CLVS1: variants seen among roughly 807,000 people sequenced by gnomAD.
CLVS1 encodes clavesin 1.
A neutral mutation model predicts 33.1 loss-of-function variants in CLVS1; 10 were observed. The observed-to-expected ratio is 0.30, with a 90% CI of 0.19 to 0.51. The LOEUF is 0.51. CLVS1 is among the 20% of genes least tolerant of loss of function. CLVS1 has a pLI of 0.97. For missense variants in CLVS1, 343 were observed against 433.4 expected, an observed-to-expected ratio of 0.79 and a Z score of 1.85; for synonymous variants, 163 against 166.1, an observed-to-expected ratio of 0.98 and a Z score of 0.14.
chr8:61,057,593 G>C (rs1387129706), intron 1 of CLVS1, among the ~76,000 whole-genome samples: 1 of 151,466 alleles, frequency 6.6e-6, no homozygotes, highest in Non-Finnish European at 1.5e-5. Context: ...GGCTTATTTT[G>C]TACTTAGTTC....
chr8:61,057,380 A>G (rs1364495990), intron 1 of CLVS1: 1 of 146,992 alleles, frequency 6.8e-6, no homozygotes, highest in Non-Finnish European at 1.5e-5. Flanking sequence ...ACACACACAC[A>G]CACACACACA....
chr8:61,253,485 A>C (rs1808997770), intron 2 of CLVS1, among the ~76,000 whole-genome samples: 1 of 152,102 alleles, frequency 6.6e-6, no homozygotes, highest in African/African-American at 2.4e-5. Context: ...TAGATTGGGG[A>C]AGTTCTCCTG....
At chr8:61,297,182 C>A (rs1302030753) in intron 1 of CLVS1, among the ~76,000 whole-genome samples, 1 of 152,094 alleles carries the variant, frequency 6.6e-6, no homozygotes, top group East Asian at 1.9e-4. Context: ...AATCATGTTA[C>A]ATAGTTTTAT....
chr8:61,393,645 G>C (rs767119130), intron 3 of CLVS1, among the ~76,000 whole-genome samples: 3 of 152,128 alleles, frequency 2.0e-5, no homozygotes, highest in Non-Finnish European at 4.4e-5. Flanking sequence ...GGGGCTTCCT[G>C]AGAGCCAGAC....
chr8:61,013,321 C>A, the CLVS1 span, among the ~76,000 whole-genome samples: 1 of 152,232 alleles, frequency 6.6e-6, no homozygotes, highest in Admixed American at 6.5e-5. Flanking sequence ...ATAGAGCCTT[C>A]TTTGAATGAC....
chr8:61,473,808 G>A (rs1026641552), intron 5 of CLVS1, among the ~76,000 whole-genome samples: 1 of 152,230 alleles, frequency 6.6e-6, no homozygotes, highest in African/African-American at 2.4e-5. Context: ...CAATGCTGCT[G>A]AATGGAAAGC....
Position 61,458,411 on chromosome 8 carries a change from T to G in CLVS1, c.846T>G (p.Thr282=). Residue 282 remains threonine (T), a synonymous_variant, in exon 5 of 6, where the codon ACT becomes ACG. Transcript: ENST00000325897. ...GGTLPPYDMG[T]WARTLLGPDY... is the part of the protein sequence containing the mutation. Reference sequence around the variant, plus strand: ...CTCTTCCTCCTTATGACATGGGAACTTGGGCCCGGACGTTACTCGGTCCCG... The same window carrying G: ...CTCTTCCTCCTTATGACATGGGAACGTGGGCCCGGACGTTACTCGGTCCCG... 6.2e-7 allele frequency: 1 copy of G among 1,614,158 alleles called. No individual in the cohort carries two copies. Among genetic ancestry groups the G allele is most frequent in the Non-Finnish European group, 8.5e-7 (1 of 1,179,996 alleles).
At chr8:61,489,045 T>C (rs2129608525) in intron 5 of CLVS1, among the ~76,000 whole-genome samples, 3 of 152,360 alleles carry the variant, frequency 2.0e-5, no homozygotes, top group African/African-American at 7.2e-5. Flanking sequence ...AGACAGGATC[T>C]TGAAGTATTA....
intron 2 of CLVS1, among the ~76,000 whole-genome samples, chr8:61,227,665 G>T (rs1018154281): frequency 2.6e-5 from 4 of 152,192 alleles, no homozygotes; most frequent in Non-Finnish European, 4.4e-5. Context: ...TGGAGACAGT[G>T]AGAGAGAAGG....
intron 1 of CLVS1, among the ~76,000 whole-genome samples, chr8:61,074,563 G>A (rs1804874292): frequency 6.6e-6 from 1 of 151,026 alleles, no homozygotes; most frequent in Non-Finnish European, 1.5e-5. Context: ...AGACCTGTGA[G>A]GCAGAAAGCT....
intron 4 of CLVS1, among the ~76,000 whole-genome samples, chr8:61,455,574 GTA>G (rs1817120472): frequency 1.3e-5 from 2 of 152,080 alleles, no homozygotes; most frequent in Middle Eastern, 3.4e-3. Context: ...ATTCCTCTCG[GTA>G]TATATCCATT....
the CLVS1 span, among the ~76,000 whole-genome samples, chr8:60,968,920 T>A: frequency 7.9e-5 from 12 of 151,150 alleles, no homozygotes; most frequent in Non-Finnish European, 1.6e-4. Flanking sequence ...TAAAAAAAAA[T>A]AAAAGAAAAA....
chr8:61,475,067 A>G (rs1026056494), intron 5 of CLVS1, among the ~76,000 whole-genome samples: 1 of 152,052 alleles, frequency 6.6e-6, no homozygotes, highest in Non-Finnish European at 1.5e-5. Context: ...TGTCCTTGTG[A>G]TACTTTGCTG....
chr8:61,100,185 T>C (rs940442310), intron 1 of CLVS1, among the ~76,000 whole-genome samples: 1 of 152,200 alleles, frequency 6.6e-6, no homozygotes, highest in Non-Finnish European at 1.5e-5. Flanking sequence ...ATGAACTTAA[T>C]ATTTTTATTA....
At chr8:61,414,989 A>G (rs888060086) in intron 3 of CLVS1, among the ~76,000 whole-genome samples, 4 of 152,256 alleles carry the variant, frequency 2.6e-5, no homozygotes, top group African/African-American at 9.6e-5. Context: ...GGCAGTAGTT[A>G]GGAGCCATTT....
At chr8:61,202,604 C>T (rs1807757254) in intron 2 of CLVS1, 2 of 1,417,388 alleles carry the variant, frequency 1.4e-6, no homozygotes, top group African/African-American at 2.8e-5. Context: ...TCTGTACAGC[C>T]AACGGTTTCC....
intron 2 of CLVS1, among the ~76,000 whole-genome samples, chr8:61,347,798 G>A (rs1435947498): frequency 2.0e-5 from 3 of 150,112 alleles, no homozygotes; most frequent in Non-Finnish European, 4.4e-5. Flanking sequence ...CTCAGAGGTG[G>A]GATTGCTGAA....
At chr8:61,074,588 G>A (rs1804874672) in intron 1 of CLVS1, among the ~76,000 whole-genome samples, 1 of 151,462 alleles carries the variant, frequency 6.6e-6, no homozygotes, top group Non-Finnish European at 1.5e-5. Context: ...CTATGTCTTT[G>A]CTTTTGTAGA....
intron 1 of CLVS1, among the ~76,000 whole-genome samples, chr8:61,086,164 T>C (rs1259488028): frequency 6.7e-6 from 1 of 149,488 alleles, no homozygotes; most frequent in Admixed American, 6.7e-5. Flanking sequence ...GAGGCAGAGG[T>C]TGCAGTGAGC....
Sources: allele counts gnomAD v4.1 joint callset (sites outside exome capture counted in the v4.1 genomes callset), GRCh38; gene constraint gnomAD v4.1.1; transcripts MANE v1.5; gene names NCBI Gene and HGNC (gene_info 2026-07-23, HGNC 2026-07-21).